Variants in ITGA11 observed in about 807,000 individuals in gnomAD.
ITGA11 encodes the protein integrin alpha-11.
In ITGA11, 97 loss-of-function variants were observed where a neutral mutation model predicts 141.9. The observed-to-expected ratio is 0.68, with a 90% CI of 0.58 to 0.81. ITGA11 has a LOEUF of 0.81. Among genes scored for constraint, ITGA11 ranks in the 30% least tolerant of loss-of-function variants. The probability of loss-of-function intolerance (pLI) is 0.00; values close to 1 mark genes in which losing one functional copy is unlikely to be tolerated. For synonymous variants in ITGA11, 658 were observed against 624.6 expected (o/e 1.05, Z -0.80); for missense variants, 1,387 against 1,559.2 (o/e 0.89, Z 1.86).
In ITGA11 at chr15:68,350,717, G is replaced by A. The variant is rs553866426; in HGVS notation, c.960C>T (p.Ile320=). ...PETFLNEIKY[I]ASDPDDKHFF... ...AGTGCTTGTCATCAGGGTCACTGGC[G>A]ATGTATTTGATTTCATTTAGAAAAG... Residue 320 remains isoleucine, a synonymous_variant, in exon 9 of 30, where the codon ATC becomes ATT. Coordinates refer to ENST00000315757, the MANE Select transcript of ITGA11 (RefSeq NM_001004439.2). 368 of 1,613,896 alleles carry A rather than the reference G, an allele frequency of 2.3e-4. 2 individuals carry two copies. The South Asian group carries it at 2.9e-3, about 13-fold the overall frequency.
chr15:68,422,401 C>T (rs6494744), intron 1 of ITGA11, among the ~76,000 whole-genome samples: 102,667 of 151,794 alleles, frequency 0.68, 35,086 homozygotes, highest in African/African-American at 0.76. Context: ...TGACCAGGCC[C>T]TGTTAAATTC....
At position 68,313,850 on chromosome 15, in the gene ITGA11, G is replaced by A. The variant is rs755086418; in HGVS notation, c.2811C>T (p.Asp937=). ...LAAGSDSNER[D]STKEDNVAPL... ...GGGCCACGTTGTCTTCCTTGGTGCT[G>A]TCCCGCTCATTACTGTCACTGCAAG... Residue 937 remains aspartate, a synonymous_variant, in exon 23 of 30, where the codon GAC becomes GAT. Coordinates refer to ENST00000315757, the MANE Select transcript of ITGA11 (RefSeq NM_001004439.2). The A allele has an allele frequency of 1.2e-6, 2 of 1,613,900 alleles. No individual in the cohort carries two copies. The highest frequency in any genetic ancestry group is 1.7e-6 in the Non-Finnish European group (2 of 1,179,792).
chr15:68,405,068 C>A (rs759391741), intron 1 of ITGA11, among the ~76,000 whole-genome samples: 1 of 151,988 alleles, frequency 6.6e-6, no homozygotes, highest in East Asian at 1.9e-4. Flanking sequence ...TGGGCACTGA[C>A]CCCCTGCTCA....
At chr15:68,341,491 C>T (rs890961061) in intron 10 of ITGA11, among the ~76,000 whole-genome samples, 1 of 152,234 alleles carries the variant, frequency 6.6e-6, no homozygotes, top group African/African-American at 2.4e-5. Flanking sequence ...TGCCCAAGGT[C>T]ACACAGCAAG....
At chr15:68,310,948 G>A (rs1057357959) in intron 26 of ITGA11, 46 bp downstream of exon 26, 9 of 1,457,640 alleles carry the variant, frequency 6.2e-6, no homozygotes, top group East Asian at 2.4e-5. Context: ...CCGGCGGCAC[G>A]CCTCTAACCC....
At chr15:68,329,483 C>T (rs79175585) in intron 15 of ITGA11, among the ~76,000 whole-genome samples, 20 of 152,310 alleles carry the variant, frequency 1.3e-4, no homozygotes, top group Middle Eastern at 3.4e-3. Context: ...GGCTCTCGCC[C>T]GCAATTTCAT....
At chr15:68,331,234 C>A (rs1894147892) in intron 14 of ITGA11, 123 bp from the exon 15 acceptor site, 1 of 860,086 alleles carries the variant, frequency 1.2e-6, no homozygotes, top group Non-Finnish European at 1.8e-6. Context: ...AGAAGCTTCC[C>A]CAACCCAAAG....
chr15:68,311,259 T>TC (rs1162701948), intron 25 of ITGA11, 31 bp downstream of exon 25: 1 of 1,473,906 alleles, frequency 6.8e-7, no homozygotes, highest in African/African-American at 1.4e-5. Context: ...TCTGGTCCCC[T>TC]CCCCTAGCCG....
rs752672674 is a variant in ITGA11, at chr15:68,303,152, C to G, written c.3496-22G>C. 7 of 1,548,992 alleles carry G rather than the reference C, an allele frequency of 4.5e-6. No individual in the cohort carries two copies. In the East Asian group the frequency reaches 1.5e-4, roughly 32 times the overall value. ...CGAGCTGTGAGGAGGCAAAGGGAGACGTCTCAGAGGAGGACAGGGTGGGCA... is the reference window on the plus strand; with the variant it reads ...CGAGCTGTGAGGAGGCAAAGGGAGAGGTCTCAGAGGAGGACAGGGTGGGCA... On this transcript the variant is annotated intron_variant, in intron 29 of 29. Coordinates refer to ENST00000315757, the MANE Select transcript of ITGA11 (RefSeq NM_001004439.2). This position sits in a 1 kb window ranked among gnomAD's most constrained non-coding sequence, Gnocchi z 5.3.
intron 2 of ITGA11, among the ~76,000 whole-genome samples, chr15:68,383,258 G>A (rs539203420): frequency 3.3e-5 from 5 of 150,684 alleles, no homozygotes; most frequent in South Asian, 2.1e-4. Flanking sequence ...TCGACAGAGC[G>A]AGGCTCTGCC....
intron 2 of ITGA11, among the ~76,000 whole-genome samples, chr15:68,392,173 G>A (rs1020263829): frequency 2.6e-5 from 4 of 152,182 alleles, no homozygotes; most frequent in Admixed American, 2.6e-4. Flanking sequence ...TGTAGTGATG[G>A]GAAGGGATAG....
intron 21 of ITGA11, among the ~76,000 whole-genome samples, chr15:68,316,464 G>A (rs141705709): frequency 9.2e-5 from 14 of 152,360 alleles, no homozygotes; most frequent in Non-Finnish European, 1.3e-4. Flanking sequence ...CTGCAGGAGT[G>A]GCTGGGCGTG....
At chr15:68,381,727 T>A (rs1424497177) in intron 2 of ITGA11, among the ~76,000 whole-genome samples, 1 of 152,190 alleles carries the variant, frequency 6.6e-6, no homozygotes, top group Non-Finnish European at 1.5e-5. Context: ...AACTAAATTT[T>A]GTATTTTTAG....
At chr15:68,358,833 C>T (rs1024608787) in intron 5 of ITGA11, among the ~76,000 whole-genome samples, 4 of 152,250 alleles carry the variant, frequency 2.6e-5, no homozygotes, top group African/African-American at 4.8e-5. Context: ...CACTTCTATT[C>T]CTAATCAGAG....
At chr15:68,367,715 G>T (rs2415008) in intron 3 of ITGA11, among the ~76,000 whole-genome samples, 1 of 152,072 alleles carries the variant, frequency 6.6e-6, no homozygotes, top group Admixed American at 6.5e-5. Context: ...CTCTAGGTGC[G>T]CATTAAAGGT....
intron 7 of ITGA11, among the ~76,000 whole-genome samples, chr15:68,353,294 T>C (rs1349603385): frequency 1.3e-5 from 2 of 152,214 alleles, no homozygotes; most frequent in African/African-American, 4.8e-5. Context: ...ATATGTTGCC[T>C]TAAAAAACCC....
chr15:68,327,052 C>T (rs1353257144), intron 16 of ITGA11, among the ~76,000 whole-genome samples: 5 of 151,634 alleles, frequency 3.3e-5, no homozygotes, highest in Non-Finnish European at 5.9e-5. Context: ...AAGTGAACAC[C>T]GCAGATGAGG....
chr15:68,336,083 C>G (rs148497635), intron 11 of ITGA11: 29 of 572,394 alleles, frequency 5.1e-5, no homozygotes, highest in African/African-American at 4.9e-4. Flanking sequence ...ACCCCAGCCC[C>G]TGCTGGAGAA....
chr15:68,312,720 G>C, intron 24 of ITGA11, 53 bp downstream of exon 24: 1 of 1,331,570 alleles, frequency 7.5e-7, no homozygotes, highest in Non-Finnish European at 1.1e-6. Flanking sequence ...CTCCAGGATG[G>C]GGGTGCTCAG....
Sources: allele counts gnomAD v4.1 joint callset (sites outside exome capture counted in the v4.1 genomes callset), GRCh38; gene constraint gnomAD v4.1.1; non-coding constraint Gnocchi (gnomAD v3.1); transcripts MANE v1.5; gene names NCBI Gene and HGNC (gene_info 2026-07-23, HGNC 2026-07-21).